The following TMC1 variants were observed in gnomAD, a reference collection of about 807,000 sequenced individuals.
TMC1 encodes the protein transmembrane channel-like protein 1.
A neutral mutation model predicts 105.8 loss-of-function variants in TMC1; 84 were observed. The observed-to-expected ratio is 0.79, with a 90% CI of 0.67 to 0.95. TMC1 has a LOEUF of 0.95. Ranked by LOEUF, TMC1 falls within the 40% of genes least tolerant of loss-of-function variation. The pLI, the probability that TMC1 is intolerant of heterozygous loss-of-function variation, is 0.00. For missense variants in TMC1, 817 were observed against 914.1 expected (o/e 0.89, Z 1.37); for synonymous variants, 315 against 311.5 (o/e 1.01, Z -0.12).
intron 5 of TMC1, among the ~76,000 whole-genome samples, chr9:72,674,816 G>A (rs1826176491): frequency 1.3e-5 from 2 of 152,134 alleles, no homozygotes. Flanking sequence ...AAAATTGATG[G>A]TCTTTGTCCA....
chr9:72,570,676 C>CTTTTTTTTTT (rs529953890), intron 1 of TMC1, among the ~76,000 whole-genome samples: 2 of 75,614 alleles, frequency 2.6e-5, no homozygotes, highest in African/African-American at 5.9e-5. Flanking sequence ...GCCAAATTTC[C>CTTTTTTTTTT]TTTTTTTTTT....
rs35759919 is a variant in TMC1, at chr9:72,539,228, CA to C, written c.-428+17325del. ...CAAAACCCCATCTCTACAAAAAATA[CA>C]AAAAAAAAACAACAACAAAAAAACA... On this transcript the variant is annotated intron_variant, in intron 1 of 23. Coordinates refer to ENST00000297784, the MANE Select transcript of TMC1 (RefSeq NM_138691.3). Among the ~76,000 whole-genome samples, 1,147 of 146,246 alleles carry C rather than the reference CA, an allele frequency of 7.8e-3. 23 individuals are homozygous for C. Among genetic ancestry groups the C allele is most frequent in the African/African-American group, 0.027 (1,073 of 39,786 alleles).
intron 8 of TMC1, among the ~76,000 whole-genome samples, chr9:72,732,785 T>C (rs1231928353): frequency 6.6e-6 from 1 of 152,138 alleles, no homozygotes; most frequent in Non-Finnish European, 1.5e-5. Context: ...GGATACTTAT[T>C]TTACTTAGCG....
In TMC1 at chr9:72,688,333, A is replaced by C. The variant is rs180852272; in HGVS notation, c.17-376A>C. ...ACCTAATTGGTATGGGCATGTGGAT[A>C]TAGCTTTATTAACAATTCAATTTCT... On this transcript the variant is annotated intron_variant, in intron 5 of 23. Coordinates refer to ENST00000297784, the MANE Select transcript of TMC1 (RefSeq NM_138691.3). 3.7e-4 allele frequency among the ~76,000 whole-genome samples: 56 copies of C among 152,288 alleles called. 1 individual carries two copies. The highest frequency in any genetic ancestry group is 1.3e-3 in the African/African-American group (53 of 41,584).
In TMC1 at chr9:72,706,196, T is replaced by C. The variant is rs527987013; in HGVS notation, c.362+5553T>C. On this transcript the variant is annotated intron_variant, in intron 8 of 23. Transcript: ENST00000297784. Reference sequence around the variant, plus strand: ...CTTTGGGAAAACTATTTATTTGGCTTCCATTCTCACCCTTTCTCTCCTGTT... The same window carrying C: ...CTTTGGGAAAACTATTTATTTGGCTCCCATTCTCACCCTTTCTCTCCTGTT... 3.3e-5 allele frequency among the ~76,000 whole-genome samples: 5 copies of C among 152,370 alleles called. No homozygotes were observed. In the South Asian group the frequency reaches 1.0e-3, roughly 32 times the overall value.
At chr9:72,799,514 T>C (rs1828433875) in intron 17 of TMC1, among the ~76,000 whole-genome samples, 1 of 152,110 alleles carries the variant, frequency 6.6e-6, no homozygotes, top group Admixed American at 6.5e-5. Context: ...TCATTAATGA[T>C]TGAGTACAAA....
Position 72,809,951 on chromosome 9 carries a change from G to A in TMC1, c.1695+4441G>A, listed in dbSNP as rs796090066. On this transcript the variant is annotated intron_variant, in intron 18 of 23. Coordinates refer to ENST00000297784, the MANE Select transcript of TMC1 (RefSeq NM_138691.3). The stretch of plus-strand genomic sequence containing the variant: ...AGAGAAAGTGTGTGTGTGTTTGTGT[G>A]TGTGTGTGAGAGAGAGAGAGACAGG... Among the ~76,000 whole-genome samples, 4 of 150,936 alleles carry A rather than the reference G, an allele frequency of 2.7e-5. 1 individual carries two copies. The highest frequency in any genetic ancestry group is 9.8e-5 in the African/African-American group (4 of 40,850).
intron 1 of TMC1, among the ~76,000 whole-genome samples, chr9:72,559,443 C>G (rs552821373): frequency 1.3e-5 from 2 of 151,992 alleles, no homozygotes; most frequent in East Asian, 1.9e-4. Context: ...CTTTGTAGGC[C>G]CCCACCGATG....
Position 72,805,393 on chromosome 9 carries a change from G to A in TMC1, c.1578G>A (p.Arg526=). The change falls in exon 18 of 24, where the codon AGG becomes AGA. Residue 526 remains arginine (R), a synonymous_variant. Transcript: ENST00000297784. ...WETMVGQEFV[R]LTVSDVLTTY... is the part of the protein sequence containing the mutation. ...TAATATCTCAACAGGAGTTTGTGAGGCTGACAGTCTCTGATGTTCTGACCA... is the reference window on the plus strand; with the variant it reads ...TAATATCTCAACAGGAGTTTGTGAGACTGACAGTCTCTGATGTTCTGACCA... The A allele has an allele frequency of 6.2e-7, 1 of 1,613,872 alleles. No homozygotes were observed. Among genetic ancestry groups the A allele is most frequent in the Non-Finnish European group, 8.5e-7 (1 of 1,179,866 alleles).
At chr9:72,594,751 G>A (rs2132107946) in intron 2 of TMC1, among the ~76,000 whole-genome samples, 1 of 152,038 alleles carries the variant, frequency 6.6e-6, no homozygotes, top group Admixed American at 6.6e-5. Flanking sequence ...CTAGAATGTT[G>A]GGGGAATTTT....
intron 12 of TMC1, among the ~76,000 whole-genome samples, chr9:72,769,352 C>T (rs1827888253): frequency 6.6e-6 from 1 of 152,210 alleles, no homozygotes; most frequent in South Asian, 2.1e-4. Flanking sequence ...TGAAGGTCAA[C>T]ATGCCGCCTT....
At chr9:72,725,312 T>A (rs1318288648) in intron 8 of TMC1, among the ~76,000 whole-genome samples, 3 of 133,662 alleles carry the variant, frequency 2.2e-5, no homozygotes, top group African/African-American at 8.3e-5. Flanking sequence ...ACACACACAT[T>A]TTATGTGTGT....
chr9:72,769,931 C>T (rs560083251), intron 12 of TMC1, among the ~76,000 whole-genome samples: 12 of 152,164 alleles, frequency 7.9e-5, no homozygotes, highest in African/African-American at 2.6e-4. Context: ...TATTGTCACC[C>T]TGGGACAGAG....
intron 5 of TMC1, among the ~76,000 whole-genome samples, chr9:72,653,469 G>A (rs896969332): frequency 5.9e-5 from 9 of 152,056 alleles, no homozygotes; most frequent in African/African-American, 1.9e-4. Context: ...CATACCATAG[G>A]TTACTATTCA....
At chr9:72,609,213 CTTCCTTCCTTCCTTCCTTTT>C (rs1475268730) in intron 2 of TMC1, among the ~76,000 whole-genome samples, 6 of 149,242 alleles carry the variant, frequency 4.0e-5, no homozygotes, top group Non-Finnish European at 7.4e-5. Flanking sequence ...TCCTTCCTTC[CTTCCTTCCTTCCTTCCTTTT>C]TGCTATTAAA....
At chr9:72,593,881 ACCT>A (rs1441391172) in intron 2 of TMC1, among the ~76,000 whole-genome samples, 1 of 151,386 alleles carries the variant, frequency 6.6e-6, no homozygotes, top group Non-Finnish European at 1.5e-5. Context: ...TCAGTCAGTG[ACCT>A]CCTTTGTTGC....
chr9:72,712,594 T>C (rs1255058965), intron 8 of TMC1, among the ~76,000 whole-genome samples: 4 of 152,190 alleles, frequency 2.6e-5, no homozygotes, highest in African/African-American at 9.7e-5. Flanking sequence ...ATAGGAATAC[T>C]TGTGATTTTT....
intron 8 of TMC1, among the ~76,000 whole-genome samples, chr9:72,735,826 C>T (rs1316199014): frequency 6.6e-6 from 1 of 152,068 alleles, no homozygotes; most frequent in African/African-American, 2.4e-5. Flanking sequence ...TGAAGAATCT[C>T]TTCTTGCTAA....
intron 5 of TMC1, among the ~76,000 whole-genome samples, chr9:72,655,538 C>T (rs973443719): frequency 2.0e-5 from 3 of 151,938 alleles, no homozygotes; most frequent in Non-Finnish European, 2.9e-5. Flanking sequence ...GTCAAGAGAT[C>T]GAGACCATCC....
Sources: allele counts gnomAD v4.1 joint callset (sites outside exome capture counted in the v4.1 genomes callset), GRCh38; gene constraint gnomAD v4.1.1; transcripts MANE v1.5; gene names NCBI Gene and HGNC (gene_info 2026-07-23, HGNC 2026-07-21).